The following CTNNA2 variants were observed in gnomAD, a reference collection of about 807,000 sequenced individuals.
CTNNA2 encodes catenin alpha-2.
A neutral mutation model predicts 101.0 loss-of-function variants in CTNNA2; 42 were observed. That is an observed-to-expected ratio of 0.42 (90% CI 0.32 to 0.54). The LOEUF (loss-of-function observed/expected upper bound fraction) is 0.54. CTNNA2 is among the 20% of genes least tolerant of loss of function. CTNNA2 has a pLI of 0.14. For synonymous variants in CTNNA2, 450 were observed against 456.4 expected (o/e 0.99, Z 0.18); for missense variants, 871 against 1,223.1 (o/e 0.71, Z 4.29).
chr2:80,182,843 A>G (rs1357396394), intron 7 of CTNNA2, among the ~76,000 whole-genome samples: 1 of 152,182 alleles, frequency 6.6e-6, no homozygotes, highest in Admixed American at 6.5e-5. Flanking sequence ...GTGTCAGAGA[A>G]AATGAGAAAA....
chr2:80,318,722 T>G (rs1678380172), intron 7 of CTNNA2, among the ~76,000 whole-genome samples: 1 of 152,124 alleles, frequency 6.6e-6, no homozygotes, highest in Non-Finnish European at 1.5e-5. Context: ...TGAGACAGAG[T>G]AAATTTAAAA....
intron 3 of CTNNA2, among the ~76,000 whole-genome samples, chr2:79,803,108 C>T (rs576797959): frequency 3.3e-5 from 5 of 152,264 alleles, no homozygotes; most frequent in Middle Eastern, 3.4e-3. Flanking sequence ...AAATTGATAA[C>T]ATCATTTTCA....
chr2:79,271,168 C>G (rs1402042612), intron 2 of CTNNA2, among the ~76,000 whole-genome samples: 1 of 151,992 alleles, frequency 6.6e-6, no homozygotes, highest in African/African-American at 2.4e-5. Context: ...CTCCCTTTGG[C>G]GATTCTTCTA....
chr2:80,131,783 G>A (rs771647162), intron 7 of CTNNA2, among the ~76,000 whole-genome samples: 3 of 152,076 alleles, frequency 2.0e-5, no homozygotes, highest in Non-Finnish European at 2.9e-5. Flanking sequence ...TCTTGTGTAG[G>A]TTATTAAAAA....
At chr2:79,591,368 A>G (rs1245690459) in intron 1 of CTNNA2, among the ~76,000 whole-genome samples, 3 of 152,226 alleles carry the variant, frequency 2.0e-5, no homozygotes, top group Non-Finnish European at 4.4e-5. Context: ...AGACCGTATT[A>G]AGACAAGTGA....
chr2:79,666,127 T>G (rs1445923519), intron 2 of CTNNA2, among the ~76,000 whole-genome samples: 1 of 152,192 alleles, frequency 6.6e-6, no homozygotes, highest in Non-Finnish European at 1.5e-5. Context: ...TATTAAAAAT[T>G]TCAGGATATT....
intron 7 of CTNNA2, among the ~76,000 whole-genome samples, chr2:80,004,851 C>T (rs1455770417): frequency 6.6e-6 from 1 of 152,008 alleles, no homozygotes; most frequent in East Asian, 1.9e-4. Flanking sequence ...TATAGGTGCA[C>T]ACCACCATAC....
chr2:79,794,058 C>G (rs941104138), intron 3 of CTNNA2, among the ~76,000 whole-genome samples: 21 of 151,814 alleles, frequency 1.4e-4, no homozygotes, highest in Non-Finnish European at 2.6e-4. Flanking sequence ...ATGGGTGCAC[C>G]AAAGTCTCAC....
At position 79,192,345 on chromosome 2, in the gene CTNNA2, A is replaced by G. The variant is rs114636475; in HGVS notation, c.-523-5614A>G. 1.6e-3 allele frequency among the ~76,000 whole-genome samples: 241 copies of G among 152,302 alleles called. 1 individual carries two copies. Among genetic ancestry groups the G allele is most frequent in the African/African-American group, 5.7e-3 (236 of 41,558 alleles). On this transcript the variant is annotated intron_variant, in intron 1 of 21. Coordinates refer to the CTNNA2 transcript ENST00000466387. Reference sequence around the variant, plus strand: ...CAGCTTAGGCTCAGCTTCAGTGTTCAACACAAAGTAGCCCTGGAACATGAC... The same window carrying G: ...CAGCTTAGGCTCAGCTTCAGTGTTCGACACAAAGTAGCCCTGGAACATGAC...
At chr2:80,572,300 C>A (rs1326451977) in intron 12 of CTNNA2, among the ~76,000 whole-genome samples, 2 of 152,146 alleles carry the variant, frequency 1.3e-5, no homozygotes, top group African/African-American at 2.4e-5. Flanking sequence ...TTTCTGTGAA[C>A]TGAGTGTACT....
chr2:80,250,439 G>A (rs1671678649), intron 7 of CTNNA2, among the ~76,000 whole-genome samples: 1 of 152,132 alleles, frequency 6.6e-6, no homozygotes, highest in African/African-American at 2.4e-5. Flanking sequence ...TAGAAGAGAA[G>A]CAGGCTGAGG....
intron 7 of CTNNA2, among the ~76,000 whole-genome samples, chr2:79,940,823 CAT>C (rs1688106166): frequency 6.6e-6 from 1 of 152,128 alleles, no homozygotes; most frequent in African/African-American, 2.4e-5. Context: ...TTAAATATCT[CAT>C]GTAATTTATT....
rs1438882104 is a variant in CTNNA2, at chr2:80,006,077, G to A, written c.1056+96280G>A. Among the ~76,000 whole-genome samples, 5 of 152,098 alleles carry A rather than the reference G, an allele frequency of 3.3e-5. No individual in the cohort carries two copies. The East Asian group carries it at 9.7e-4, about 29-fold the overall frequency. On this transcript the variant is annotated intron_variant, in intron 7 of 18. Coordinates refer to ENST00000402739, the MANE Select transcript of CTNNA2 (RefSeq NM_001282597.3). ...GTGACTTAACAGAAACCTATTTTGT[G>A]AATAAAGTAGGTTTAGACTTGATAT...
At chr2:79,936,671 C>T (rs1280809020) in intron 7 of CTNNA2, among the ~76,000 whole-genome samples, 1 of 152,088 alleles carries the variant, frequency 6.6e-6, no homozygotes, top group African/African-American at 2.4e-5. Flanking sequence ...AGCCATCGTT[C>T]CTCACCTTAA....
intron 2 of CTNNA2, among the ~76,000 whole-genome samples, chr2:79,297,389 T>C (rs1241423200): frequency 1.3e-5 from 2 of 152,200 alleles, no homozygotes. Context: ...CTTCTTTTTC[T>C]TCCCAGTCAC....
At chr2:79,786,734 A>G (rs1674877854) in intron 3 of CTNNA2, among the ~76,000 whole-genome samples, 1 of 152,086 alleles carries the variant, frequency 6.6e-6, no homozygotes, top group Admixed American at 6.6e-5. Context: ...ATTCAGCAAC[A>G]ATTTCTTATA....
At chr2:80,036,100 T>C (rs1223534830) in intron 7 of CTNNA2, among the ~76,000 whole-genome samples, 1 of 152,116 alleles carries the variant, frequency 6.6e-6, no homozygotes, top group African/African-American at 2.4e-5. Context: ...CCCACCAGCG[T>C]CACCCAACCC....
chr2:80,214,289 T>C (rs1474737723), intron 7 of CTNNA2, among the ~76,000 whole-genome samples: 2 of 152,200 alleles, frequency 1.3e-5, no homozygotes, highest in African/African-American at 4.8e-5. Context: ...CATTAGGTGA[T>C]GCAGTTTCTT....
At chr2:80,286,404 G>A (rs1674772208) in intron 7 of CTNNA2, among the ~76,000 whole-genome samples, 1 of 152,058 alleles carries the variant, frequency 6.6e-6, no homozygotes, top group African/African-American at 2.4e-5. Context: ...TATAAGAGTG[G>A]TGAGTTGTTT....
Sources: gnomAD v4.1 joint callset for allele counts (sites outside exome capture counted in the v4.1 genomes callset) on GRCh38, gnomAD v4.1.1 for gene constraint, MANE v1.5 for transcripts, NCBI Gene and HGNC (gene_info 2026-07-23, HGNC 2026-07-21) for gene names.